ETV6: variants seen among roughly 807,000 people sequenced by gnomAD.
ETV6 encodes the protein ETS variant transcription factor 6.
ETV6 carries 16 observed loss-of-function variants against 51.1 expected under a neutral mutation model. The ratio of observed to expected loss-of-function variants is 0.31; its 90% confidence interval spans 0.21 to 0.48. ETV6 has a LOEUF of 0.48. ETV6 is among the 20% of genes least tolerant of loss of function. The probability of loss-of-function intolerance (pLI) is 0.99; values close to 1 mark genes in which losing one functional copy is unlikely to be tolerated. For missense variants in ETV6, 458 were observed against 594.8 expected (o/e 0.77, Z 2.39); for synonymous variants, 240 against 224.1 (o/e 1.07, Z -0.64).
intron 3 of ETV6, among the ~76,000 whole-genome samples, chr12:11,853,029 A>G (rs1946580511): frequency 1.3e-5 from 2 of 152,110 alleles, no homozygotes; most frequent in East Asian, 3.9e-4. Context: ...TCTACTGAAA[A>G]TACAAAAATC....
intron 2 of ETV6, among the ~76,000 whole-genome samples, chr12:11,834,318 C>A (rs1213108370): frequency 6.6e-6 from 1 of 152,192 alleles, no homozygotes; most frequent in African/African-American, 2.4e-5. Context: ...GCTTCAGCTT[C>A]CATCTTTCAC....
At chr12:11,699,212 A>G (rs566442361) in intron 1 of ETV6, among the ~76,000 whole-genome samples, 1 of 152,332 alleles carries the variant, frequency 6.6e-6, no homozygotes, top group East Asian at 1.9e-4. Context: ...GAAGACATCT[A>G]GGATAAATGG....
intron 3 of ETV6, among the ~76,000 whole-genome samples, chr12:11,844,998 AT>A (rs1946440848): frequency 6.6e-6 from 1 of 152,060 alleles, no homozygotes; most frequent in African/African-American, 2.4e-5. Flanking sequence ...CACCCAGCTA[AT>A]TTTTGTATTT....
chr12:11,874,359 A>G (rs1012118767), intron 5 of ETV6, among the ~76,000 whole-genome samples: 3 of 120,100 alleles, frequency 2.5e-5, no homozygotes, highest in Non-Finnish European at 5.2e-5. Context: ...CCTGGGCAAC[A>G]GAGTGATACT....
chr12:11,733,646 G>A (rs1239895864), intron 1 of ETV6, among the ~76,000 whole-genome samples: 5 of 152,002 alleles, frequency 3.3e-5, no homozygotes, highest in South Asian at 2.1e-4. Flanking sequence ...ATGCTTCCCC[G>A]GAATATTTAT....
At chr12:11,726,041 G>A (rs751779300) in intron 1 of ETV6, among the ~76,000 whole-genome samples, 1 of 152,188 alleles carries the variant, frequency 6.6e-6, no homozygotes, top group African/African-American at 2.4e-5. Context: ...TGCTTCAAGG[G>A]TAGGCAAGAA....
At chr12:11,677,909 G>C (rs891145575) in intron 1 of ETV6, among the ~76,000 whole-genome samples, 1 of 152,188 alleles carries the variant, frequency 6.6e-6, no homozygotes, top group African/African-American at 2.4e-5. Flanking sequence ...GCCTCCCAGC[G>C]TCCTCTGGCA....
chr12:11,768,902 C>A, intron 2 of ETV6: 1 of 477,436 alleles, frequency 2.1e-6, no homozygotes. Context: ...TTGTGAAATT[C>A]CTTGGAAATA....
intron 1 of ETV6, 113 bp downstream of exon 1, chr12:11,650,273 A>G: frequency 1.0e-6 from 1 of 955,660 alleles, no homozygotes; most frequent in Non-Finnish European, 1.7e-6. Context: ...TTCGCAGGAA[A>G]TTATTTGGGG....
chr12:11,753,750 G>GC (rs1866084354), intron 2 of ETV6, among the ~76,000 whole-genome samples: 1 of 152,246 alleles, frequency 6.6e-6, no homozygotes, highest in African/African-American at 2.4e-5. Flanking sequence ...TATGCCTTCT[G>GC]CCCCAGAGGG....
At chr12:11,746,293 C>T (rs1865907045) in intron 1 of ETV6, among the ~76,000 whole-genome samples, 1 of 152,204 alleles carries the variant, frequency 6.6e-6, no homozygotes, top group Admixed American at 6.5e-5. Context: ...AAAGTTAGAT[C>T]AGTCTGCACG....
chr12:11,805,358 A>G (rs1945813680), intron 2 of ETV6, among the ~76,000 whole-genome samples: 1 of 152,054 alleles, frequency 6.6e-6, no homozygotes, highest in South Asian at 2.1e-4. Context: ...TTCCTCTCCC[A>G]TTCTGTTGTC....
intron 1 of ETV6, among the ~76,000 whole-genome samples, chr12:11,680,803 C>T (rs897985075): frequency 5.9e-5 from 9 of 152,312 alleles, no homozygotes; most frequent in African/African-American, 2.2e-4. Context: ...GCCTGTCTCC[C>T]TCTAATAGAA....
At chr12:11,806,342 T>C (rs193165455) in intron 2 of ETV6, among the ~76,000 whole-genome samples, 207 of 152,322 alleles carry the variant, frequency 1.4e-3, no homozygotes, top group African/African-American at 4.6e-3. Flanking sequence ...GAGGCATTGC[T>C]CTGGGCCCAA....
intron 1 of ETV6, among the ~76,000 whole-genome samples, chr12:11,743,123 A>G (rs1044190822): frequency 6.6e-6 from 1 of 152,152 alleles, no homozygotes; most frequent in African/African-American, 2.4e-5. Context: ...TATCTTTGAG[A>G]TAATACCGTG....
intron 1 of ETV6, among the ~76,000 whole-genome samples, chr12:11,661,587 C>G (rs988442750): frequency 1.3e-5 from 2 of 152,194 alleles, no homozygotes; most frequent in African/African-American, 4.8e-5. Flanking sequence ...GACTTTGAGA[C>G]CTGAATGACC....
intron 2 of ETV6, among the ~76,000 whole-genome samples, chr12:11,816,009 G>A (rs373360389): frequency 6.6e-5 from 10 of 152,118 alleles, no homozygotes; most frequent in South Asian, 2.1e-4. Context: ...AGGAATATCC[G>A]TATATTTTGA....
intron 1 of ETV6, among the ~76,000 whole-genome samples, chr12:11,708,289 C>T (rs901985736): frequency 6.6e-6 from 1 of 151,204 alleles, no homozygotes; most frequent in African/African-American, 2.4e-5. Flanking sequence ...AGAATGTAGA[C>T]TTGGAATTTG....
chr12:11,859,102 T>G, intron 4 of ETV6, among the ~76,000 whole-genome samples: 2 of 137,904 alleles, frequency 1.5e-5, no homozygotes, highest in East Asian at 2.1e-4. Context: ...TTAAAGAAGA[T>G]GAGGTATATG....
Sources: allele counts gnomAD v4.1 joint callset (sites outside exome capture counted in the v4.1 genomes callset), GRCh38; gene constraint gnomAD v4.1.1; transcripts MANE v1.5; gene names NCBI Gene and HGNC (gene_info 2026-07-23, HGNC 2026-07-21).